The following FBXO32 variants were observed in gnomAD, a reference collection of about 807,000 sequenced individuals.
FBXO32 encodes F-box only protein 32.
A neutral mutation model predicts 48.3 loss-of-function variants in FBXO32; 15 were observed. The observed-to-expected ratio is 0.31, with a 90% CI of 0.21 to 0.48. The LOEUF (loss-of-function observed/expected upper bound fraction) is 0.48, where lower values mean the gene tolerates loss of function less well. FBXO32 is among the 20% of genes least tolerant of loss of function. The pLI, the probability that FBXO32 is intolerant of heterozygous loss-of-function variation, is 0.99. For missense variants in FBXO32, 309 were observed against 432.7 expected, an observed-to-expected ratio of 0.71 and a Z score of 2.54; for synonymous variants, 154 against 165.9, an observed-to-expected ratio of 0.93 and a Z score of 0.55.
At chr8:123,508,837 T>G (rs1816681312) in intron 6 of FBXO32, among the ~76,000 whole-genome samples, 1 of 152,236 alleles carries the variant, frequency 6.6e-6, no homozygotes, top group African/African-American at 2.4e-5. Flanking sequence ...CAGGGTTCAC[T>G]CTGTCAAATT....
intron 4 of FBXO32, among the ~76,000 whole-genome samples, chr8:123,514,559 A>G (rs1816800297): frequency 6.6e-6 from 1 of 152,380 alleles, no homozygotes; most frequent in South Asian, 2.1e-4. Flanking sequence ...TCTTTTAAAT[A>G]TAAAGAATTT....
At position 123,541,151 on chromosome 8, in the gene FBXO32, C is replaced by A. The variant is rs1416529528; in HGVS notation, c.-137G>T. 2.3e-6 allele frequency: 1 copy of A among 425,784 alleles called. No homozygotes were observed. Among genetic ancestry groups the A allele is most frequent in the Non-Finnish European group, 4.0e-6 (1 of 250,958 alleles). 26.4% of individuals were successfully genotyped at this position (425,784 alleles called of 1,614,324 possible). A position where few individuals can be genotyped will look rare whatever the true frequency, so the allele number is the denominator to read the frequency against. The stretch of plus-strand genomic sequence containing the variant: ...GGGCGGCGGGAACGGCGCGGGGCAC[C>A]CTGCGGGGTGGCGGGCGCGGAGAGG... On this transcript the variant is annotated 5_prime_UTR_variant, in exon 1 of 9. Transcript: ENST00000517956.
At chr8:123,508,564 T>C (rs1816675533) in intron 6 of FBXO32, among the ~76,000 whole-genome samples, 1 of 152,188 alleles carries the variant, frequency 6.6e-6, no homozygotes, top group African/African-American at 2.4e-5. Context: ...ATTCAAAGTA[T>C]CTATGACTTG....
chr8:123,517,921 A>G (rs1816871700), intron 4 of FBXO32, among the ~76,000 whole-genome samples: 1 of 152,354 alleles, frequency 6.6e-6, no homozygotes, highest in African/African-American at 2.4e-5. Context: ...AGGGGTTAGC[A>G]AACTTTTTCT....
At chr8:123,538,834 G>C (rs1234597850) in intron 1 of FBXO32, among the ~76,000 whole-genome samples, 1 of 152,050 alleles carries the variant, frequency 6.6e-6, no homozygotes, top group East Asian at 1.9e-4. Flanking sequence ...GGACACGGGA[G>C]GGGGGCTGTG....
chr8:123,513,270 A>C lies in FBXO32; in HGVS notation c.579T>G (p.Ile193Met). The stretch of plus-strand genomic sequence containing the variant: ...TCTCCATCCGATACACCCACATGTT[A>C]ATGTTCCCGACCAGCACAGACTTGC... Reference protein sequence around the residue: ...RVGKSVLVGNINMWVYRMETI... With the variant: ...RVGKSVLVGNMNMWVYRMETI... Residue 193 changes from isoleucine to methionine, a missense_variant, in exon 6 of 9, where the codon ATT becomes ATG. Ile to Met is a conservative substitution (Grantham distance 10). Transcript: ENST00000517956. This position sits in a 1 kb window ranked among gnomAD's most constrained non-coding sequence, Gnocchi z 4.3. 1 of 1,614,200 alleles carries C rather than the reference A, an allele frequency of 6.2e-7. No individual in the cohort carries two copies. The highest frequency in any genetic ancestry group is 8.5e-7 in the Non-Finnish European group (1 of 1,180,026).
Position 123,506,671 on chromosome 8 carries a change from T to C in FBXO32, c.652-97A>G. On this transcript the variant is annotated intron_variant, in intron 6 of 8. Transcript: ENST00000517956. This position sits in a 1 kb window ranked among gnomAD's most constrained non-coding sequence, Gnocchi z 4.0. ...ATGCAGCTGTGCCCGTCCTCCACCC[T>C]CAAGGCAGTTTATTGATAAGAGGTC... 3 of 1,041,646 alleles carry C rather than the reference T, an allele frequency of 2.9e-6. No individual in the cohort carries two copies. The highest frequency in any genetic ancestry group is 4.2e-6 in the Non-Finnish European group (3 of 709,548). 64.5% of individuals were successfully genotyped at this position (1,041,646 alleles called of 1,614,324 possible).
At chr8:123,527,582 C>T (rs1311071272) in intron 4 of FBXO32, among the ~76,000 whole-genome samples, 1 of 152,126 alleles carries the variant, frequency 6.6e-6, no homozygotes, top group Admixed American at 6.5e-5. Flanking sequence ...AGTTCCATTG[C>T]AAATAGGCTA....
intron 3 of FBXO32, chr8:123,532,231 A>T: frequency 2.3e-6 from 3 of 1,281,618 alleles, no homozygotes; most frequent in Middle Eastern, 3.0e-4. Flanking sequence ...CCTTTTCGTG[A>T]CTTGTACCAT....
intron 4 of FBXO32, among the ~76,000 whole-genome samples, chr8:123,517,571 T>C (rs560059628): frequency 6.6e-6 from 1 of 152,130 alleles, no homozygotes; most frequent in African/African-American, 2.4e-5. Context: ...GGGTGACCTT[T>C]GTAACTGTCA....
chr8:123,522,581 G>A (rs565126334), intron 4 of FBXO32, among the ~76,000 whole-genome samples: 2 of 152,142 alleles, frequency 1.3e-5, no homozygotes, highest in African/African-American at 4.8e-5. Context: ...CTGGCTTGGC[G>A]ATCTTCCTTA....
At chr8:123,528,823 T>C (rs1261847791) in intron 4 of FBXO32, among the ~76,000 whole-genome samples, 1 of 152,192 alleles carries the variant, frequency 6.6e-6, no homozygotes, top group Non-Finnish European at 1.5e-5. Context: ...CTCTCAAGGC[T>C]TTGAATGTTT....
rs1029541303 is a variant in FBXO32 at position 123,513,389 on chromosome 8, T to A, written c.467-7A>T. ...TTTTGCTGGTCTTCAAGGACTTGAGTAGGGAAGAAAAAAATAATTAAAGTT... is the reference window on the plus strand; with the variant it reads ...TTTTGCTGGTCTTCAAGGACTTGAGAAGGGAAGAAAAAAATAATTAAAGTT... On this transcript the variant is annotated splice_region_variant and splice_polypyrimidine_tract_variant and intron_variant, in intron 5 of 8. Transcript: ENST00000517956. The surrounding 1 kb of genome is among the most constrained non-coding windows in gnomAD (Gnocchi z 4.3). 5.0e-6 allele frequency: 8 copies of A among 1,610,150 alleles called. No homozygotes were observed. The African/African-American group carries it at 8.0e-5, about 16-fold the overall frequency.
At chr8:123,524,599 G>A (rs935833694) in intron 4 of FBXO32, among the ~76,000 whole-genome samples, 3 of 152,016 alleles carry the variant, frequency 2.0e-5, no homozygotes, top group African/African-American at 4.8e-5. Context: ...ATGGTGGCAC[G>A]ATCTTGGCTC....
chr8:123,534,963 A>C, intron 1 of FBXO32, 149 bp from the exon 2 acceptor site: 1 of 543,248 alleles, frequency 1.8e-6, no homozygotes, highest in Non-Finnish European at 3.2e-6. Context: ...CTCAAAGAAA[A>C]AAGAGTCTAT....
At chr8:123,521,091 A>G (rs1816943995) in intron 4 of FBXO32, among the ~76,000 whole-genome samples, 1 of 152,018 alleles carries the variant, frequency 6.6e-6, no homozygotes, top group Non-Finnish European at 1.5e-5. Flanking sequence ...TCACCTTACT[A>G]TGGTTTCATT....
intron 4 of FBXO32, among the ~76,000 whole-genome samples, chr8:123,517,471 C>T (rs1211414647): frequency 7.6e-6 from 1 of 132,290 alleles, no homozygotes; most frequent in Non-Finnish European, 1.7e-5. Context: ...GGAAAGTCCC[C>T]CCTACCTTTT....
intron 4 of FBXO32, among the ~76,000 whole-genome samples, chr8:123,521,475 T>G (rs1164422312): frequency 6.6e-6 from 1 of 151,990 alleles, no homozygotes; most frequent in Non-Finnish European, 1.5e-5. Context: ...GGCCTAGGAG[T>G]AAATTATTTA....
chr8:123,517,232 A>G (rs895548978), intron 4 of FBXO32, among the ~76,000 whole-genome samples: 1 of 152,202 alleles, frequency 6.6e-6, no homozygotes, highest in African/African-American at 2.4e-5. Context: ...CAAAACCCAG[A>G]TTCCATGTGA....
Sources: gnomAD v4.1 joint callset for allele counts (sites outside exome capture counted in the v4.1 genomes callset) on GRCh38, gnomAD v4.1.1 for gene constraint, Gnocchi (gnomAD v3.1) non-coding constraint, MANE v1.5 for transcripts, NCBI Gene and HGNC (gene_info 2026-07-23, HGNC 2026-07-21) for gene names.